The following ATP11C variants were observed in gnomAD, a reference collection of about 807,000 sequenced individuals.
ATP11C encodes the protein ATPase phospholipid transporting 11C (ATP11C blood group).
A neutral mutation model predicts 97.4 loss-of-function variants in ATP11C; 36 were observed. The observed-to-expected ratio is 0.37, with a 90% CI of 0.28 to 0.49. The LOEUF (loss-of-function observed/expected upper bound fraction) is 0.49. Ranked by LOEUF, ATP11C falls within the 20% of genes least tolerant of loss-of-function variation. The pLI is 0.98. For synonymous variants in ATP11C, 275 were observed against 290.9 expected, an observed-to-expected ratio of 0.95 and a Z score of 0.56; for missense variants, 730 against 824.6, an observed-to-expected ratio of 0.89 and a Z score of 1.40.
At position 139,756,771 on chromosome X, in the gene ATP11C, GA is replaced by G. The variant is rs1220804108; in HGVS notation, c.2700+1036del. Among the ~76,000 whole-genome samples the G allele has an allele frequency of 6.6e-4, 73 of 109,945 alleles. No individual in the cohort carries two copies. In the Admixed American group the frequency reaches 6.8e-3, roughly 10 times the overall value. Reference sequence around the variant, plus strand: ...CTTATAAGTGGGAGCTAAACAATGAGAACATATGGACACAAAGAAGGGAACA... The same window carrying G: ...CTTATAAGTGGGAGCTAAACAATGAGACATATGGACACAAAGAAGGGAACA... On this transcript the variant is annotated intron_variant, in intron 23 of 29. Transcript: ENST00000682941.
At chrX:139,751,895 G>T (rs1032314191) in intron 23 of ATP11C, among the ~76,000 whole-genome samples, 1 of 110,606 alleles carries the variant, frequency 9.0e-6, no homozygotes, top group Non-Finnish European at 1.9e-5. Context: ...AGTCCTCCTC[G>T]CAAGTTCCAG....
In ATP11C at chrX:139,782,660, T is replaced by C. The variant is rs982885598; in HGVS notation, c.1839A>G (p.Arg613=). Residue 613 remains arginine, a synonymous_variant, in exon 18 of 30, where the codon AGA becomes AGG. Coordinates refer to ENST00000682941, the MANE Select transcript of ATP11C (RefSeq NM_001353812.2). ...IAPDDYERIN[R]QLIEAKMALQ... ...AGGCCATTTTTGCCTCTATGAGCTG[T>C]CTGTTAATTCTTTCATAATCATCTG... 3 of 1,204,668 alleles carry C rather than the reference T, an allele frequency of 2.5e-6. No individual in the cohort carries two copies. In the African/African-American group the frequency reaches 5.3e-5, roughly 21 times the overall value.
At chrX:139,776,969 C>A (rs188511179) in intron 18 of ATP11C, among the ~76,000 whole-genome samples, 1 of 111,629 alleles carries the variant, frequency 9.0e-6, no homozygotes, top group Admixed American at 9.5e-5. Context: ...GCCAAACAAT[C>A]ATACACAACA....
intron 1 of ATP11C, among the ~76,000 whole-genome samples, chrX:139,832,951 G>T (rs1226430453): frequency 8.9e-6 from 1 of 112,068 alleles, no homozygotes; most frequent in Non-Finnish European, 1.9e-5. Flanking sequence ...TTACCTAGAA[G>T]AGATAAATTC....
intron 1 of ATP11C, among the ~76,000 whole-genome samples, chrX:139,854,154 A>G (rs553059763): frequency 1.8e-5 from 2 of 112,095 alleles, no homozygotes; most frequent in South Asian, 7.3e-4. Context: ...TAATTGGTCT[A>G]ATCAAACATG....
At chrX:139,783,015 A>T (rs2082496378) in intron 17 of ATP11C, 149 bp downstream of exon 17, 1 of 452,621 alleles carries the variant, frequency 2.2e-6, no homozygotes, top group South Asian at 6.1e-5. Flanking sequence ...AAAAAAAAGT[A>T]ATATTATCAA....
chrX:139,809,114 A>T lies in ATP11C; in HGVS notation c.427-4515T>A, dbSNP rs75196440. On this transcript the variant is annotated intron_variant, in intron 5 of 29. Transcript: ENST00000682941. ...GGTGACAGAGTGAGACTCTTGTCTT[A>T]AAAAAAAAAAAAAAGGTTTTAAAAA... Among the ~76,000 whole-genome samples the T allele has an allele frequency of 3.0e-5, 3 of 99,137 alleles. No individual in the cohort carries two copies. In the South Asian group the frequency reaches 1.3e-3, roughly 44 times the overall value. The allele number at this position is 99,137 out of a possible 115,157, so 86.1% of individuals were successfully genotyped here. A position where few individuals can be genotyped will look rare whatever the true frequency, so the allele number is the denominator to read the frequency against.
chrX:139,907,522 G>T (rs2084999204), intron 1 of ATP11C, among the ~76,000 whole-genome samples: 1 of 110,910 alleles, frequency 9.0e-6, no homozygotes, highest in Non-Finnish European at 1.9e-5. Context: ...GCTGAGCGGG[G>T]CACATCACGA....
At position 139,863,404 on chromosome X, in the gene ATP11C, G is replaced by A. The variant is rs2084233857; in HGVS notation, c.28-36581C>T. On this transcript the variant is annotated intron_variant, in intron 1 of 29. Coordinates refer to ENST00000682941, the MANE Select transcript of ATP11C (RefSeq NM_001353812.2). ...AAAAATCAGCTGGGTGTGGTGGCACGCACCTGTAGTCCCAGCTACTTGGGA... is the reference window on the plus strand; with the variant it reads ...AAAAATCAGCTGGGTGTGGTGGCACACACCTGTAGTCCCAGCTACTTGGGA... 2.7e-5 allele frequency among the ~76,000 whole-genome samples: 3 copies of A among 110,390 alleles called. No individual in the cohort carries two copies. The South Asian group carries it at 1.2e-3, about 43-fold the overall frequency.
chrX:139,797,334 A>G lies in ATP11C; in HGVS notation c.858-8T>C, dbSNP rs764440522. The G allele has an allele frequency of 1.8e-6, 2 of 1,133,942 alleles. No homozygotes were observed. The highest frequency in any genetic ancestry group is 1.2e-6 in the Non-Finnish European group (1 of 843,595). The allele number at this position is 1,133,942 out of a possible 1,213,427, so 93.4% of individuals were successfully genotyped here. A position where few individuals can be genotyped will look rare whatever the true frequency, so the allele number is the denominator to read the frequency against. On this transcript the variant is annotated splice_region_variant and splice_polypyrimidine_tract_variant and intron_variant, in intron 10 of 29. Transcript: ENST00000682941. ...AGGAAAGCATTAATAGATCTGAAAA[A>G]TAAGATAGCATGGATTTTAAAACCA...
chrX:139,794,803 T>C (rs1201341164), intron 12 of ATP11C, among the ~76,000 whole-genome samples: 1 of 111,832 alleles, frequency 8.9e-6, no homozygotes, highest in African/African-American at 3.2e-5. Flanking sequence ...GAACATTAAG[T>C]GTCATATTCG....
At chrX:139,878,427 A>G (rs933480740) in intron 1 of ATP11C, among the ~76,000 whole-genome samples, 1 of 112,439 alleles carries the variant, frequency 8.9e-6, no homozygotes, top group Non-Finnish European at 1.9e-5. Context: ...ACAGAAAATA[A>G]AATTAATATG....
intron 1 of ATP11C, among the ~76,000 whole-genome samples, chrX:139,922,449 G>A (rs1230324582): frequency 2.8e-5 from 3 of 106,555 alleles, no homozygotes; most frequent in African/African-American, 6.8e-5. Context: ...CGAGGTTTTG[G>A]TGTTTCTGCT....
chrX:139,809,351 T>C (rs146313990), intron 5 of ATP11C, among the ~76,000 whole-genome samples: 2,008 of 112,174 alleles, frequency 0.018, 24 homozygotes, highest in Non-Finnish European at 0.027. Flanking sequence ...AGGAAGGAAT[T>C]TCTGATACAT....
intron 12 of ATP11C, among the ~76,000 whole-genome samples, chrX:139,792,811 C>T (rs1244685258): frequency 8.9e-6 from 1 of 112,139 alleles, no homozygotes; most frequent in Non-Finnish European, 1.9e-5. Context: ...CCCTATATAT[C>T]GTCCCACATG....
At chrX:139,827,889 C>G (rs2083563872) in intron 1 of ATP11C, among the ~76,000 whole-genome samples, 1 of 111,718 alleles carries the variant, frequency 9.0e-6, no homozygotes, top group Non-Finnish European at 1.9e-5. Flanking sequence ...GTACTCCAGT[C>G]TGAATTTGTG....
upstream of ATP11C, among the ~76,000 whole-genome samples, chrX:139,933,588 T>A (rs2085482529): frequency 8.9e-6 from 1 of 112,161 alleles, no homozygotes; most frequent in Admixed American, 9.4e-5. Context: ...GGAGAAGAAC[T>A]TGCAGATTCT....
At chrX:139,902,955 T>A (rs1029358786) in intron 1 of ATP11C, among the ~76,000 whole-genome samples, 1 of 107,253 alleles carries the variant, frequency 9.3e-6, no homozygotes, top group African/African-American at 3.8e-5. Context: ...CTCAAGAGTC[T>A]CAGAGCAAGA....
At position 139,768,393 on chromosome X, in the gene ATP11C, C is replaced by T; in HGVS notation, c.2258G>A (p.Gly753Asp). ...ATTTAGTATGAGTGACAATGTGGAG[C>T]CATCTATGATTAATCCATATTCCTG... ...EHQEYGLIID[G>D]STLSLILNSS... The change falls in exon 20 of 30, where the codon GGC becomes GAC. Residue 753 changes from glycine (G) to aspartate (D), a missense_variant. By Grantham distance (94) the Gly-to-Asp change is moderately conservative. Transcript: ENST00000682941. The T allele has an allele frequency of 8.6e-7, 1 of 1,159,627 alleles. No homozygotes were observed. Among genetic ancestry groups the T allele is most frequent in the Non-Finnish European group, 1.2e-6 (1 of 866,544 alleles).
Sources: gnomAD v4.1 joint callset for allele counts (sites outside exome capture counted in the v4.1 genomes callset) on GRCh38, gnomAD v4.1.1 for gene constraint, MANE v1.5 for transcripts, NCBI Gene and HGNC (gene_info 2026-07-23, HGNC 2026-07-21) for gene names.